The following LRBA variants were observed in gnomAD, a reference collection of about 807,000 sequenced individuals.
LRBA encodes LPS responsive beige-like anchor protein, also known as lipopolysaccharide-responsive and beige-like anchor protein.
LRBA carries 176 observed loss-of-function variants against 330.0 expected under a neutral mutation model. The ratio of observed to expected loss-of-function variants is 0.53; its 90% CI spans 0.47 to 0.60. LRBA has a LOEUF of 0.60. LRBA is among the 20% of genes least tolerant of loss of function. The pLI, the probability that LRBA is intolerant of heterozygous loss-of-function variation, is 0.00. For synonymous variants in LRBA, 1,230 were observed against 1,193.0 expected, an observed-to-expected ratio of 1.03 and a Z score of -0.64; for missense variants, 3,259 against 3,444.8, an observed-to-expected ratio of 0.95 and a Z score of 1.35.
At chr4:150,564,639 TA>T in intron 40 of LRBA, among the ~76,000 whole-genome samples, 1 of 152,194 alleles carries the variant, frequency 6.6e-6, no homozygotes, top group Non-Finnish European at 1.5e-5. Flanking sequence ...TCTACCCATC[TA>T]ACAAAGGGCT....
intron 23 of LRBA, among the ~76,000 whole-genome samples, chr4:150,851,636 A>G (rs1370490062): frequency 6.6e-6 from 1 of 152,222 alleles, no homozygotes; most frequent in Non-Finnish European, 1.5e-5. Flanking sequence ...AATTATACCA[A>G]TCCTTCAAAG....
chr4:150,693,521 G>A (rs971024123), intron 36 of LRBA, among the ~76,000 whole-genome samples: 15 of 119,840 alleles, frequency 1.3e-4, no homozygotes, highest in African/African-American at 4.1e-4. Flanking sequence ...CCGAGATCCC[G>A]CCACTGCACT....
intron 56 of LRBA, among the ~76,000 whole-genome samples, chr4:150,268,406 C>T (rs1445287008): frequency 2.6e-5 from 4 of 152,186 alleles, no homozygotes; most frequent in African/African-American, 9.7e-5. Context: ...ATTAAAGAAT[C>T]CAGAACACTT....
chr4:150,421,980 G>A (rs532076098), intron 46 of LRBA, among the ~76,000 whole-genome samples: 1 of 152,314 alleles, frequency 6.6e-6, no homozygotes, highest in South Asian at 2.1e-4. Context: ...GGAGCTGGCT[G>A]GGTGCACTGG....
intron 42 of LRBA, among the ~76,000 whole-genome samples, chr4:150,483,881 T>A (rs529949078): frequency 4.6e-5 from 7 of 152,076 alleles, no homozygotes; most frequent in Non-Finnish European, 8.8e-5. Flanking sequence ...ATGTATTTAT[T>A]TTTTGATAGT....
intron 22 of LRBA, among the ~76,000 whole-genome samples, chr4:150,866,913 C>A (rs1452095174): frequency 6.6e-6 from 1 of 151,660 alleles, no homozygotes; most frequent in Non-Finnish European, 1.5e-5. Context: ...GTTATATACA[C>A]GTAGTAAAGG....
At chr4:150,601,944 G>A (rs978048725) in intron 37 of LRBA, among the ~76,000 whole-genome samples, 4 of 151,418 alleles carry the variant, frequency 2.6e-5, no homozygotes, top group Admixed American at 6.6e-5. Context: ...GCCCGCCTCG[G>A]CCTCCCAAAG....
chr4:150,970,491 C>A (rs1042668373), intron 2 of LRBA, among the ~76,000 whole-genome samples: 1 of 149,444 alleles, frequency 6.7e-6, no homozygotes, highest in Non-Finnish European at 1.5e-5. Flanking sequence ...CAAAGCAAGA[C>A]CCTGTCTCAA....
At chr4:150,642,418 A>C (rs1026535064) in intron 37 of LRBA, among the ~76,000 whole-genome samples, 1 of 151,936 alleles carries the variant, frequency 6.6e-6, no homozygotes, top group Non-Finnish European at 1.5e-5. Context: ...GTTTTCCATA[A>C]ATTAATACTA....
At chr4:150,726,227 C>A (rs1413153361) in intron 36 of LRBA, among the ~76,000 whole-genome samples, 1 of 152,044 alleles carries the variant, frequency 6.6e-6, no homozygotes, top group African/African-American at 2.4e-5. Context: ...AAAACAAGAC[C>A]TAATGATCTG....
chr4:150,700,856 C>G (rs534678062), intron 36 of LRBA, among the ~76,000 whole-genome samples: 1 of 151,152 alleles, frequency 6.6e-6, no homozygotes, highest in South Asian at 2.1e-4. Flanking sequence ...TCACTGGGCT[C>G]GAGTGATTCT....
In LRBA at chr4:150,315,134, C is replaced by T. The variant is rs548588897; in HGVS notation, c.7693+427G>A. The stretch of plus-strand genomic sequence containing the variant: ...GGCACTACAGTTTTATTTTTCATAA[C>T]GCAGTGCTGCTAAGAACCCCACTGT... On this transcript the variant is annotated intron_variant, in intron 51 of 56. Coordinates refer to ENST00000651943, the MANE Select transcript of LRBA (RefSeq NM_001364905.1). The T allele has an allele frequency of 1.3e-3, 278 of 221,722 alleles. 3 individuals are homozygous for T. Among genetic ancestry groups the T allele is most frequent in the African/African-American group, 6.2e-3 (262 of 42,268 alleles). 13.7% of individuals were successfully genotyped at this position (221,722 alleles called of 1,614,324 possible).
chr4:150,681,922 T>C (rs1783087753), intron 37 of LRBA, among the ~76,000 whole-genome samples: 1 of 152,162 alleles, frequency 6.6e-6, no homozygotes, highest in Non-Finnish European at 1.5e-5. Flanking sequence ...AGATATTTTA[T>C]TACACCAAAA....
At chr4:150,631,851 G>A (rs1430331364) in intron 37 of LRBA, among the ~76,000 whole-genome samples, 4 of 152,140 alleles carry the variant, frequency 2.6e-5, no homozygotes, top group African/African-American at 9.7e-5. Flanking sequence ...CATCCACATG[G>A]AAAAATCAAA....
chr4:150,828,026 T>C (rs1746527647), intron 30 of LRBA, among the ~76,000 whole-genome samples, 154 bp downstream of exon 30: 1 of 152,184 alleles, frequency 6.6e-6, no homozygotes, highest in Admixed American at 6.6e-5. Context: ...TCAGTAAAGT[T>C]TCTGATCAAC....
intron 35 of LRBA, among the ~76,000 whole-genome samples, chr4:150,735,647 A>C (rs931920766): frequency 6.6e-6 from 1 of 152,228 alleles, no homozygotes; most frequent in African/African-American, 2.4e-5. Context: ...AATGCACTGG[A>C]AAGTTACCAA....
chr4:150,466,112 TAAAAC>T (rs767768550), intron 44 of LRBA, among the ~76,000 whole-genome samples: 1 of 152,062 alleles, frequency 6.6e-6, no homozygotes, highest in Non-Finnish European at 1.5e-5. Flanking sequence ...GACGTGGTAA[TAAAAC>T]AGACAATGGC....
At chr4:150,300,449 T>A (rs1260249751) in intron 53 of LRBA, among the ~76,000 whole-genome samples, 1 of 152,058 alleles carries the variant, frequency 6.6e-6, no homozygotes, top group African/African-American at 2.4e-5. Context: ...ATGAAAAATA[T>A]AACATTATAA....
At chr4:150,726,296 C>T (rs12648430) in intron 36 of LRBA, among the ~76,000 whole-genome samples, 133,098 of 152,212 alleles carry the variant, frequency 0.87, 58,588 homozygotes, top group Non-Finnish European at 0.94. Context: ...GATAAAGAGA[C>T]GAAAACAGAT....
Sources: allele counts gnomAD v4.1 joint callset (sites outside exome capture counted in the v4.1 genomes callset), GRCh38; gene constraint gnomAD v4.1.1; transcripts MANE v1.5; gene names NCBI Gene and HGNC (gene_info 2026-07-23, HGNC 2026-07-21).